Variants in MMP26 observed in about 807,000 individuals in gnomAD.
MMP26 encodes matrix metalloproteinase-26.
MMP26 carries 33 observed loss-of-function variants against 31.0 expected under a neutral mutation model. The ratio of observed to expected loss-of-function variants is 1.06; its 90% CI spans 0.81 to 1.42. MMP26 has a LOEUF of 1.42. Among genes scored for constraint, MMP26 ranks in the 40% most tolerant of loss-of-function variants. The probability of loss-of-function intolerance (pLI) is 0.00; values close to 1 mark genes in which losing one functional copy is unlikely to be tolerated. For synonymous variants in MMP26, 122 were observed against 114.9 expected (o/e 1.06, Z -0.40); for missense variants, 347 against 316.1 (o/e 1.10, Z -0.74).
chr11:4,978,882 T>A (rs553063432), intron 2 of MMP26, among the ~76,000 whole-genome samples: 1 of 152,176 alleles, frequency 6.6e-6, no homozygotes, highest in Non-Finnish European at 1.5e-5. Flanking sequence ...TTGGGTCTGA[T>A]AAGAGAAGAA....
At chr11:4,755,265 A>T (rs1848492297) in intron 1 of MMP26, among the ~76,000 whole-genome samples, 1 of 152,014 alleles carries the variant, frequency 6.6e-6, no homozygotes, top group Non-Finnish European at 1.5e-5. Context: ...CAGCACTGAT[A>T]CTAAAACTGA....
chr11:4,945,999 T>C, intron 2 of MMP26: 1 of 699,126 alleles, frequency 1.4e-6, no homozygotes, highest in Non-Finnish European at 2.4e-6. Context: ...ACTTCCTGTT[T>C]ATAGTTCTAT....
intron 1 of MMP26, among the ~76,000 whole-genome samples, chr11:4,714,908 T>TCTCTCTCTCC (rs1177677286): frequency 9.4e-4 from 123 of 130,862 alleles, no homozygotes; most frequent in Admixed American, 3.3e-3. Flanking sequence ...AATCTCTCTC[T>TCTCTCTCTCC]CTCTCTCTCT....
chr11:4,869,243 T>C (rs1242532951), intron 2 of MMP26, among the ~76,000 whole-genome samples: 1 of 151,948 alleles, frequency 6.6e-6, no homozygotes, highest in Non-Finnish European at 1.5e-5. Flanking sequence ...AAAGAGCTTC[T>C]GCACAGCAAA....
intron 2 of MMP26, among the ~76,000 whole-genome samples, chr11:4,905,950 T>G (rs2133563690): frequency 6.6e-6 from 1 of 152,276 alleles, no homozygotes; most frequent in East Asian, 1.9e-4. Context: ...TGGTTTGGAT[T>G]TTTTTCATTT....
chr11:4,898,827 CTCTCTGTGTGTG>C (rs1321447866), intron 2 of MMP26, among the ~76,000 whole-genome samples: 42 of 51,758 alleles, frequency 8.1e-4, no homozygotes, highest in African/African-American at 2.7e-3. Context: ...CTCTCTCTCT[CTCTCTGTGTGTG>C]TGTGTGTGTG....
intron 2 of MMP26, among the ~76,000 whole-genome samples, chr11:4,925,987 G>A (rs1355234216): frequency 2.0e-5 from 3 of 152,044 alleles, no homozygotes; most frequent in Non-Finnish European, 2.9e-5. Flanking sequence ...TCTACAGATG[G>A]GTGAGAATAT....
At position 4,908,381 on chromosome 11, in the gene MMP26, T is replaced by C. The variant is rs1195244758; in HGVS notation, c.-144-79687T>C. On this transcript the variant is annotated intron_variant, in intron 2 of 7. Transcript: ENST00000380390. ...GTCATTTGCTATGTGCTTAATGCCA[T>C]AGAAGTCACTAATGAAGGACTGGAT... The C allele has an allele frequency of 4.9e-6, 6 of 1,229,580 alleles. No homozygotes were observed. The African/African-American group carries it at 8.9e-5, about 18-fold the overall frequency. 76.2% of individuals were successfully genotyped at this position (1,229,580 alleles called of 1,614,324 possible).
intron 2 of MMP26, among the ~76,000 whole-genome samples, chr11:4,788,669 T>A (rs1465152960): frequency 1.3e-5 from 2 of 152,112 alleles, no homozygotes; most frequent in East Asian, 3.9e-4. Flanking sequence ...ACAGAATAAA[T>A]TCATCTTGAG....
chr11:4,843,751 A>G (rs112450831), intron 2 of MMP26, among the ~76,000 whole-genome samples: 59 of 152,262 alleles, frequency 3.9e-4, no homozygotes, highest in Non-Finnish European at 6.3e-4. Flanking sequence ...GCTGGCTCTA[A>G]TTTATCCCCA....
At chr11:4,963,765 T>A (rs1030968553) in intron 2 of MMP26, among the ~76,000 whole-genome samples, 37 of 152,182 alleles carry the variant, frequency 2.4e-4, no homozygotes, top group African/African-American at 8.7e-4. Context: ...CTCCACAACC[T>A]CACCAGCATC....
At chr11:4,736,171 TG>T (rs1331469153) in intron 1 of MMP26, 1 of 152,120 alleles carries the variant, frequency 6.6e-6, no homozygotes, top group Non-Finnish European at 1.5e-5. Flanking sequence ...ACAGATTCCT[TG>T]GGAAAAAGGA....
intron 2 of MMP26, among the ~76,000 whole-genome samples, chr11:4,816,924 A>G (rs1849429113): frequency 6.7e-6 from 1 of 149,822 alleles, no homozygotes; most frequent in Non-Finnish European, 1.5e-5. Context: ...GTTAGCCAGG[A>G]TGTTCTCGAT....
intron 2 of MMP26, chr11:4,924,048 C>T (rs778718858): frequency 1.2e-5 from 20 of 1,614,116 alleles, no homozygotes; most frequent in South Asian, 6.6e-5. Context: ...GTGAAACAGG[C>T]AGGGATGCCA....
rs1166305093 is a variant in MMP26, at chr11:4,988,143, C to T, written c.-69C>T. 1 of 1,368,330 alleles carries T rather than the reference C, an allele frequency of 7.3e-7. No individual in the cohort carries two copies. Among genetic ancestry groups the T allele is most frequent in the East Asian group, 2.3e-5 (1 of 43,696 alleles). 84.8% of individuals were successfully genotyped at this position (1,368,330 alleles called of 1,614,324 possible). On this transcript the variant is annotated 5_prime_UTR_variant, in exon 3 of 8. The change creates a premature stop within an existing upstream ORF in the 5' untranslated region. Transcript: ENST00000380390. The stretch of plus-strand genomic sequence containing the variant: ...AGTGAGTCATTGGATGTTGCTGGCA[C>T]AGCTATAAAGATCCAGTGGCCCAAG...
rs766812629 is a variant in MMP26 at position 4,914,704 on chromosome 11, T to TA, written c.-144-73362dup. 125 of 1,584,126 alleles carry TA rather than the reference T, an allele frequency of 7.9e-5. 1 individual carries two copies. The South Asian group carries it at 1.3e-3, about 16-fold the overall frequency. The stretch of plus-strand genomic sequence containing the variant: ...GGCACGTTTCAGGAGACAGTGGCTC[T>TA]AACACTAGACACAGTTAGTAACAAA... On this transcript the variant is annotated intron_variant, in intron 2 of 7. Transcript: ENST00000380390.
At chr11:4,792,701 G>A (rs1017999479) in intron 2 of MMP26, among the ~76,000 whole-genome samples, 3 of 151,964 alleles carry the variant, frequency 2.0e-5, no homozygotes, top group Non-Finnish European at 4.4e-5. Context: ...CTATTGTCTG[G>A]GTAGAACATG....
At chr11:4,731,269 G>GT (rs1848169835) in intron 1 of MMP26, among the ~76,000 whole-genome samples, 1 of 152,130 alleles carries the variant, frequency 6.6e-6, no homozygotes, top group African/African-American at 2.4e-5. Flanking sequence ...GCCACTTTGG[G>GT]TTTTAGAGAT....
chr11:4,711,518 A>G (rs1022524664), intron 1 of MMP26: 6 of 152,184 alleles, frequency 3.9e-5, no homozygotes, highest in African/African-American at 1.2e-4. Flanking sequence ...TTCCCACAAA[A>G]CAAAACTTTT....
Sources: allele counts gnomAD v4.1 joint callset (sites outside exome capture counted in the v4.1 genomes callset), GRCh38; gene constraint gnomAD v4.1.1; transcripts MANE v1.5; gene names NCBI Gene and HGNC (gene_info 2026-07-23, HGNC 2026-07-21).